MAD1L1: variants seen among roughly 807,000 people sequenced by gnomAD.
MAD1L1 encodes the protein mitotic arrest deficient 1 like 1, also known as mitotic spindle assembly checkpoint protein MAD1.
Under a neutral mutation model 96.9 loss-of-function variants are expected in MAD1L1, and 95 were observed. That is an observed-to-expected ratio of 0.98 (90% CI 0.83 to 1.16). The LOEUF (loss-of-function observed/expected upper bound fraction) is 1.16, where lower values mean the gene tolerates loss of function less well. Ranked by LOEUF, MAD1L1 falls within the 50% of genes most tolerant of loss-of-function variation. The probability of loss-of-function intolerance (pLI) is 0.00; values close to 1 mark genes in which losing one functional copy is unlikely to be tolerated. For missense variants in MAD1L1, 1,007 were observed against 954.4 expected (o/e 1.06, Z -0.73); for synonymous variants, 473 against 396.6 (o/e 1.19, Z -2.29).
chr7:1,900,097 C>G (rs777030086), intron 17 of MAD1L1, among the ~76,000 whole-genome samples: 2 of 152,198 alleles, frequency 1.3e-5, no homozygotes, highest in Admixed American at 6.5e-5. Flanking sequence ...TGGGCACCCC[C>G]GATGGCGTGA....
chr7:2,079,789 A>T lies in MAD1L1; in HGVS notation c.1074-10451T>A, dbSNP rs151316196. 686 of 469,964 alleles carry T rather than the reference A, an allele frequency of 1.5e-3. 4 individuals are homozygous for T. The highest frequency in any genetic ancestry group is 2.3e-3 in the Non-Finnish European group (516 of 226,500). The allele number at this position is 469,964 out of a possible 1,614,324, so 29.1% of individuals were successfully genotyped here. ...GAGACCATAAATTCACTTCCGCCCC[A>T]GGCTGCTGGAGATTAGGAAATGAGA... On this transcript the variant is annotated intron_variant, in intron 11 of 18. Coordinates refer to ENST00000265854, the MANE Select transcript of MAD1L1 (RefSeq NM_001013836.2).
chr7:1,838,046 T>G (rs1783029657), intron 18 of MAD1L1, among the ~76,000 whole-genome samples: 1 of 152,226 alleles, frequency 6.6e-6, no homozygotes, highest in Non-Finnish European at 1.5e-5. Context: ...GATTCCCGCG[T>G]AGCTCTGCCT....
At position 2,103,625 on chromosome 7, in the gene MAD1L1, C is replaced by A. The variant is rs988445603; in HGVS notation, c.1074-34287G>T. Among the ~76,000 whole-genome samples, 3 of 152,166 alleles carry A rather than the reference C, an allele frequency of 2.0e-5. No homozygotes were observed. The East Asian group carries it at 5.8e-4, about 29-fold the overall frequency. ...CTGCGAAGGCCTCTCAGGAGCCGGG[C>A]AGCACAGCCAGAACACTGAGACTCG... On this transcript the variant is annotated intron_variant, in intron 11 of 18. Coordinates refer to ENST00000265854, the MANE Select transcript of MAD1L1 (RefSeq NM_001013836.2). This position sits in a 1 kb window ranked among gnomAD's most constrained non-coding sequence, Gnocchi z 4.3.
intron 10 of MAD1L1, among the ~76,000 whole-genome samples, chr7:2,198,315 A>T (rs1298618702): frequency 6.6e-6 from 1 of 152,124 alleles, no homozygotes; most frequent in Non-Finnish European, 1.5e-5. Context: ...GGAAGCCTCC[A>T]GGCCGGCTGC....
intron 17 of MAD1L1, among the ~76,000 whole-genome samples, chr7:1,933,550 G>A (rs1286954508): frequency 2.6e-5 from 4 of 152,212 alleles, no homozygotes; most frequent in South Asian, 2.1e-4. Context: ...CTGAGCATCC[G>A]CGTGGTCTGT....
chr7:2,026,259 C>T (rs1002130217), intron 12 of MAD1L1, among the ~76,000 whole-genome samples: 11 of 152,182 alleles, frequency 7.2e-5, no homozygotes, highest in Non-Finnish European at 4.4e-5. Context: ...GCAAAATTCA[C>T]CAGGAAGATA....
chr7:1,892,140 C>A (rs760264591), intron 18 of MAD1L1, among the ~76,000 whole-genome samples: 1 of 152,314 alleles, frequency 6.6e-6, no homozygotes, highest in South Asian at 2.1e-4. Flanking sequence ...CGTACAGACA[C>A]GCAGATGCTT....
rs1305169067 is a variant in MAD1L1 at position 1,984,424 on chromosome 7, C to T, written c.1417-3883G>A. ...TAATTTGGGGGATATGGGTTTTACG[C>T]ACATATGTATTTTTCTGTTTTCCAT... On this transcript the variant is annotated intron_variant, in intron 14 of 18. Coordinates refer to ENST00000265854, the MANE Select transcript of MAD1L1 (RefSeq NM_001013836.2). 2.0e-5 allele frequency among the ~76,000 whole-genome samples: 3 copies of T among 152,206 alleles called. 1 individual carries two copies. Among genetic ancestry groups the T allele is most frequent in the Admixed American group, 2.0e-4 (3 of 15,288 alleles).
intron 11 of MAD1L1, among the ~76,000 whole-genome samples, chr7:2,121,723 G>T (rs1387322221): frequency 6.6e-6 from 1 of 152,196 alleles, no homozygotes; most frequent in Non-Finnish European, 1.5e-5. Context: ...GGGTTGGGTG[G>T]GGAGGGAAAG....
At chr7:1,922,211 G>C (rs1247304277) in intron 17 of MAD1L1, among the ~76,000 whole-genome samples, 1 of 152,236 alleles carries the variant, frequency 6.6e-6, no homozygotes, top group Non-Finnish European at 1.5e-5. Flanking sequence ...AGCTGCGAGA[G>C]ACATGCAGCT....
chr7:2,056,966 T>C (rs746979963), intron 12 of MAD1L1, among the ~76,000 whole-genome samples: 37 of 152,202 alleles, frequency 2.4e-4, no homozygotes, highest in Non-Finnish European at 5.0e-4. Flanking sequence ...CACCACGGTC[T>C]AGCACGGCAG....
At position 1,980,441 on chromosome 7, in the gene MAD1L1, T is replaced by C. The variant is rs759032360; in HGVS notation, c.1505+12A>G. ...CACCTGGGCGTGTCCGCCTCCTCTC[T>C]GGGGGACGTACCTGAGCGTGTCCGC... is the stretch of plus-strand genomic sequence containing the variant. On this transcript the variant is annotated intron_variant, in intron 15 of 18. Coordinates refer to ENST00000265854, the MANE Select transcript of MAD1L1 (RefSeq NM_001013836.2). The C allele has an allele frequency of 1.9e-6, 3 of 1,607,646 alleles. No individual in the cohort carries two copies. The highest frequency in any genetic ancestry group is 2.2e-5 in the South Asian group (2 of 89,800).
intron 10 of MAD1L1, among the ~76,000 whole-genome samples, chr7:2,211,080 T>A (rs1410973199): frequency 6.6e-6 from 1 of 152,186 alleles, no homozygotes; most frequent in African/African-American, 2.4e-5. Context: ...ACTATCTGTG[T>A]TCCTCATCAA....
At chr7:2,206,453 A>G (rs1012152505) in intron 10 of MAD1L1, among the ~76,000 whole-genome samples, 3 of 152,198 alleles carry the variant, frequency 2.0e-5, no homozygotes, top group Admixed American at 1.3e-4. Context: ...TCTATGCGTC[A>G]TTTGAGTTAA....
At chr7:2,165,930 G>A (rs55639323) in intron 10 of MAD1L1, among the ~76,000 whole-genome samples, 10,702 of 152,198 alleles carry the variant, frequency 0.07, 668 homozygotes, top group African/African-American at 0.16. Flanking sequence ...ACCTGTGCCT[G>A]GAACTCCAGT....
At chr7:1,931,967 G>C (rs921871698) in intron 17 of MAD1L1, among the ~76,000 whole-genome samples, 8 of 152,350 alleles carry the variant, frequency 5.3e-5, no homozygotes, top group Non-Finnish European at 8.8e-5. Flanking sequence ...AAATGTGTGT[G>C]GCACGCAGGG....
chr7:1,846,758 TC>T (rs1382145193), intron 18 of MAD1L1: 1 of 168,548 alleles, frequency 5.9e-6, no homozygotes, highest in Non-Finnish European at 1.3e-5. Flanking sequence ...CCCCCACCGC[TC>T]CCCCTCATAG....
chr7:2,209,888 C>G (rs1017034330), intron 10 of MAD1L1: 2 of 152,504 alleles, frequency 1.3e-5, no homozygotes, highest in East Asian at 1.9e-4. Flanking sequence ...TGTCTCCACA[C>G]AAGAACAGCA....
chr7:2,044,382 G>A (rs909435947), intron 12 of MAD1L1, among the ~76,000 whole-genome samples: 3 of 152,184 alleles, frequency 2.0e-5, no homozygotes, highest in Non-Finnish European at 2.9e-5. Flanking sequence ...CTGAGAGGAC[G>A]CTCCTGCCAC....
Sources: allele counts gnomAD v4.1 joint callset (sites outside exome capture counted in the v4.1 genomes callset), GRCh38; gene constraint gnomAD v4.1.1; non-coding constraint Gnocchi (gnomAD v3.1); transcripts MANE v1.5; gene names NCBI Gene and HGNC (gene_info 2026-07-23, HGNC 2026-07-21).